Variants in ZNF514 observed in about 807,000 individuals in gnomAD.
ZNF514 encodes the protein zinc finger protein 514.
Under a neutral mutation model 9.7 loss-of-function variants are expected in ZNF514, and 12 were observed. The observed-to-expected ratio is 1.24, with a 90% CI of 0.79 to 2.01. The LOEUF (loss-of-function observed/expected upper bound fraction) is 2.01, where lower values mean the gene tolerates loss of function less well. Among genes scored for constraint, ZNF514 ranks in the 30% most tolerant of loss-of-function variants. The pLI is 0.00. For synonymous variants in ZNF514, 158 were observed against 163.7 expected, an observed-to-expected ratio of 0.97 and a Z score of 0.27; for missense variants, 467 against 465.5, an observed-to-expected ratio of 1.00 and a Z score of -0.03.
At chr2:95,138,886 G>C in the ZNF514 span, among the ~76,000 whole-genome samples, 14 of 152,214 alleles carry the variant, frequency 9.2e-5, no homozygotes. Flanking sequence ...CACAGGCCCT[G>C]AGGCCTAGGA....
chr2:95,159,773 G>A lies in ZNF514; in HGVS notation c.-629C>T, dbSNP rs868451505. On this transcript the variant is annotated 5_prime_UTR_variant, in exon 1 of 5. Coordinates refer to ENST00000295208, the MANE Select transcript of ZNF514 (RefSeq NM_032788.3). ...CAGCCCCGCCTCCCGAGGCCGTCCCGAGCTTGCGCAGACGCGGCCGCCGCC... is the reference window on the plus strand; with the variant it reads ...CAGCCCCGCCTCCCGAGGCCGTCCCAAGCTTGCGCAGACGCGGCCGCCGCC... Among the ~76,000 whole-genome samples, 103 of 149,928 alleles carry A rather than the reference G, an allele frequency of 6.9e-4. 2 individuals carry two copies. Among genetic ancestry groups the A allele is most frequent in the African/African-American group, 2.3e-3 (94 of 41,204 alleles).
rs1351862385 is a variant in ZNF514, at chr2:95,158,985, G to A, written c.-96+255C>T. The A allele has an allele frequency of 7.8e-6, 10 of 1,286,102 alleles. No homozygotes were observed. The Admixed American group carries it at 1.6e-4, about 21-fold the overall frequency. The allele number at this position is 1,286,102 out of a possible 1,614,324, so 79.7% of individuals were successfully genotyped here. A position where few individuals can be genotyped will look rare whatever the true frequency, so the allele number is the denominator to read the frequency against. On this transcript the variant is annotated intron_variant, in intron 1 of 4. Coordinates refer to ENST00000295208, the MANE Select transcript of ZNF514 (RefSeq NM_032788.3). ...CAAACCTGATGCTGTGGAGTCCATA[G>A]CTGGGGCTAAGGAGCGGCGTCCTTT... is the stretch of plus-strand genomic sequence containing the variant.
rs556543766 is a variant in ZNF514 at position 95,146,683 on chromosome 2, C to T, written c.*2599G>A. On this transcript the variant is annotated 3_prime_UTR_variant, in exon 5 of 5. Transcript: ENST00000295208. ...TGGAGGGCAGGACACTGGGTTCAAA[C>T]TGGTAAGTATGGTTAATATGGCAAG... 1.3e-5 allele frequency among the ~76,000 whole-genome samples: 2 copies of T among 150,628 alleles called. No homozygotes were observed. The highest frequency in any genetic ancestry group is 2.4e-5 in the African/African-American group (1 of 40,908).
intron 2 of ZNF514, among the ~76,000 whole-genome samples, chr2:95,156,677 C>A (rs1239906896): frequency 6.6e-6 from 1 of 152,194 alleles, no homozygotes; most frequent in Non-Finnish European, 1.5e-5. Context: ...CTATTTTCAT[C>A]ATCATTAACA....
chr2:95,155,238 G>A (rs780042907), intron 2 of ZNF514: 3 of 152,158 alleles, frequency 2.0e-5, no homozygotes, highest in Admixed American at 6.6e-5. Context: ...GTATCAAAAC[G>A]AAGGAACTTC....
intron 2 of ZNF514, among the ~76,000 whole-genome samples, chr2:95,156,156 TA>T (rs1213129748): frequency 1.3e-5 from 2 of 152,274 alleles, no homozygotes; most frequent in African/African-American, 2.4e-5. Flanking sequence ...AATTCCTTAC[TA>T]GGGGGGTTCC....
intron 4 of ZNF514, among the ~76,000 whole-genome samples, chr2:95,152,190 T>C (rs1673562077): frequency 1.3e-5 from 2 of 152,192 alleles, no homozygotes; most frequent in African/African-American, 4.8e-5. Flanking sequence ...CAAGGAGTAG[T>C]CTTTGTTCCT....
chr2:95,137,812 G>A, the ZNF514 span, among the ~76,000 whole-genome samples: 1 of 152,324 alleles, frequency 6.6e-6, no homozygotes, highest in East Asian at 1.9e-4. Flanking sequence ...TAAATTAATA[G>A]TTTGGATATT....
rs1332361511 is a variant in ZNF514 at position 95,159,476 on chromosome 2, A to C, written c.-332T>G. ...GTCCCTGCCTAGCTCCGGCCTGCAC[A>C]GTCCCTAGCGGGGGGCACTCGGAGG... is the stretch of plus-strand genomic sequence containing the variant. On this transcript the variant is annotated 5_prime_UTR_variant, in exon 1 of 5. Transcript: ENST00000295208. 2 of 154,902 alleles carry C rather than the reference A, an allele frequency of 1.3e-5. No homozygotes were observed. Among genetic ancestry groups the C allele is most frequent in the Non-Finnish European group, 1.4e-5 (1 of 69,950 alleles). The allele number at this position is 154,902 out of a possible 1,614,324, so 9.6% of individuals were successfully genotyped here. A position where few individuals can be genotyped will look rare whatever the true frequency, so the allele number is the denominator to read the frequency against.
chr2:95,155,697 G>C (rs1387943113), intron 2 of ZNF514: 1 of 152,096 alleles, frequency 6.6e-6, no homozygotes, highest in South Asian at 2.1e-4. Flanking sequence ...TGAATTATTC[G>C]CTTAACATAA....
At chr2:95,140,931 C>T (rs1464526735), downstream of ZNF514, among the ~76,000 whole-genome samples, 16 of 151,216 alleles carry the variant, frequency 1.1e-4, no homozygotes, top group South Asian at 6.3e-4. Flanking sequence ...GCCGAGATCA[C>T]GCCACTGCAC....
chr2:95,157,916 CTCTT>C (rs1260083528), intron 1 of ZNF514, among the ~76,000 whole-genome samples: 3 of 152,206 alleles, frequency 2.0e-5, no homozygotes, highest in African/African-American at 7.2e-5. Flanking sequence ...CAGAGGCCAC[CTCTT>C]TCTGAGAAGC....
In ZNF514 at chr2:95,147,628, T is replaced by C. The variant is rs1673392997; in HGVS notation, c.*1654A>G. ...AGATCTGGATTGTGCATAATACCCATATTTTAGTTGTTTTTTTTTTTTTTT... is the reference window on the plus strand; with the variant it reads ...AGATCTGGATTGTGCATAATACCCACATTTTAGTTGTTTTTTTTTTTTTTT... On this transcript the variant is annotated 3_prime_UTR_variant, in exon 5 of 5. Coordinates refer to ENST00000295208, the MANE Select transcript of ZNF514 (RefSeq NM_032788.3). The C allele has an allele frequency of 6.6e-6, 1 of 151,658 alleles. No homozygotes were observed. The highest frequency in any genetic ancestry group is 2.4e-5 in the African/African-American group (1 of 41,316). The allele number at this position is 151,658 out of a possible 1,614,324, so 9.4% of individuals were successfully genotyped here. A position where few individuals can be genotyped will look rare whatever the true frequency, so the allele number is the denominator to read the frequency against.
Position 95,153,149 on chromosome 2 carries a change from C to T in ZNF514, c.105G>A (p.Arg35=). ...LYREVMLENF[R]NLAILGLLVS... ...TGTGCTCACCCAGAATGGCCAAGTT[C>T]CTGAAGTTCTCCAGCATCACCTCCC... Residue 35 remains arginine (R), a synonymous_variant, in exon 3 of 5, where the codon AGG becomes AGA. Coordinates refer to ENST00000295208, the MANE Select transcript of ZNF514 (RefSeq NM_032788.3). The T allele has an allele frequency of 6.2e-7, 1 of 1,613,148 alleles. No individual in the cohort carries two copies. Among genetic ancestry groups the T allele is most frequent in the Non-Finnish European group, 8.5e-7 (1 of 1,179,292 alleles).
downstream of ZNF514, among the ~76,000 whole-genome samples, chr2:95,140,064 G>T (rs1274528982): frequency 6.6e-6 from 1 of 152,138 alleles, no homozygotes; most frequent in East Asian, 1.9e-4. Context: ...CTCACTCATA[G>T]GTGGGAATTG....
At chr2:95,123,776 G>A in the ZNF514 span, among the ~76,000 whole-genome samples, 1 of 152,208 alleles carries the variant, frequency 6.6e-6, no homozygotes, top group African/African-American at 2.4e-5. Flanking sequence ...TTCATGATGA[G>A]CAGCTTAAAC....
At chr2:95,130,160 C>T in the ZNF514 span, among the ~76,000 whole-genome samples, 21 of 151,946 alleles carry the variant, frequency 1.4e-4, no homozygotes, top group Admixed American at 4.6e-4. Context: ...TGGTAGGAGC[C>T]GTGATGCCCC....
chr2:95,149,835 G>C lies in ZNF514; in HGVS notation c.650C>G (p.Ser217Ter), dbSNP rs1316127846. Residue 217 changes from serine to a stop codon, truncating the protein, a stop_gained, in exon 5 of 5, where the codon TCA (serine) becomes TGA (stop). Coordinates refer to ENST00000295208, the MANE Select transcript of ZNF514 (RefSeq NM_032788.3). LOFTEE classifies it low-confidence loss of function (END_TRUNC). ...NECGKSFHFQ[S>*]ELRRHQRCHT... ...ACATCGCTGATGGCGCCTAAGTTCT[G>C]ACTGGAAGTGAAAGGACTTCCCACA... The C allele has an allele frequency of 6.2e-7, 1 of 1,614,056 alleles. No individual in the cohort carries two copies. Among genetic ancestry groups the C allele is most frequent in the African/African-American group, 1.3e-5 (1 of 74,920 alleles).
At position 95,145,886 on chromosome 2, in the gene ZNF514, C is replaced by T. The variant is rs962846477; in HGVS notation, c.*3396G>A. 6.6e-6 allele frequency among the ~76,000 whole-genome samples: 1 copy of T among 152,348 alleles called. No individual in the cohort carries two copies. The highest frequency in any genetic ancestry group is 1.5e-5 in the Non-Finnish European group (1 of 68,032). ...TTGCACTTCCTACAAGATAAATCCT[C>T]ACTCCCGTGTTTGGTAATGTCCTCT... On this transcript the variant is annotated 3_prime_UTR_variant, in exon 5 of 5. Transcript: ENST00000295208.
Sources: allele counts gnomAD v4.1 joint callset (sites outside exome capture counted in the v4.1 genomes callset), GRCh38; gene constraint gnomAD v4.1.1; transcripts MANE v1.5; gene names NCBI Gene and HGNC (gene_info 2026-07-23, HGNC 2026-07-21).